Variants in STK11 observed in about 807,000 individuals in gnomAD.
STK11 encodes serine/threonine kinase 11.
STK11 carries 8 observed loss-of-function variants against 47.3 expected under a neutral mutation model. The ratio of observed to expected loss-of-function variants is 0.17; its 90% CI spans 0.10 to 0.31. STK11 has a LOEUF of 0.31. Among genes scored for constraint, STK11 ranks in the 10% least tolerant of loss-of-function variants. STK11 has a pLI of 1.00. For missense variants in STK11, 475 were observed against 605.0 expected, an observed-to-expected ratio of 0.79 and a Z score of 2.25; for synonymous variants, 330 against 255.8, an observed-to-expected ratio of 1.29 and a Z score of -2.77.
intron 8 of STK11, chr19:1,225,549 G>A (rs1041073265): frequency 2.6e-5 from 26 of 985,582 alleles, no homozygotes; most frequent in Middle Eastern, 5.2e-4. Flanking sequence ...GATTACAAGC[G>A]TGAGCCACCG....
chr19:1,226,409 G>A, intron 8 of STK11, 45 bp from the exon 9 acceptor site: 1 of 1,589,384 alleles, frequency 6.3e-7, no homozygotes, highest in East Asian at 2.3e-5. Flanking sequence ...GTGGCTCTGG[G>A]GTTGCGCCCC....
intron 1 of STK11, 49 bp downstream of exon 1, chr19:1,207,252 C>T: frequency 1.9e-6 from 3 of 1,544,990 alleles, no homozygotes; most frequent in Non-Finnish European, 2.6e-6. Flanking sequence ...AGTCACGGTG[C>T]TGATGGTTCT....
chr19:1,213,850 C>G (rs982088475), intron 1 of STK11, among the ~76,000 whole-genome samples: 3 of 152,224 alleles, frequency 2.0e-5, no homozygotes, highest in African/African-American at 7.2e-5. Flanking sequence ...CTCCATGTGC[C>G]TCCCAGTCCT....
At chr19:1,224,304 C>G in intron 8 of STK11, 1 of 985,396 alleles carries the variant, frequency 1.0e-6, no homozygotes. Context: ...CTCCTGGGCT[C>G]TTGGATTTGC....
At position 1,206,866 on chromosome 19, in the gene STK11, C is replaced by G. The variant is rs1044460918; in HGVS notation, c.-48C>G. 1 of 1,529,802 alleles carries G rather than the reference C, an allele frequency of 6.5e-7. No individual in the cohort carries two copies. The highest frequency in any genetic ancestry group is 8.8e-7 in the Non-Finnish European group (1 of 1,130,848). 94.8% of individuals were successfully genotyped at this position (1,529,802 alleles called of 1,614,324 possible). ...TCGGAACACAAGGAAGGACCGCTCA[C>G]CCGCGGACTCAGGGCTGGCGGCGGG... On this transcript the variant is annotated 5_prime_UTR_variant, in exon 1 of 10. Transcript: ENST00000326873.
At chr19:1,226,761 G>A (rs1478107672) in intron 9 of STK11, 98 bp downstream of exon 9, 8 of 1,356,482 alleles carry the variant, frequency 5.9e-6, no homozygotes, top group South Asian at 1.6e-5. Context: ...CATGGTGACC[G>A]TCACGTGGCT....
At chr19:1,227,488 G>A in intron 9 of STK11, 105 bp from the exon 10 acceptor site, 2 of 1,050,640 alleles carry the variant, frequency 1.9e-6, no homozygotes, top group Non-Finnish European at 2.3e-6. Flanking sequence ...CAGGAGTCCG[G>A]TAGCCCCATG....
Position 1,218,467 on chromosome 19 carries a change from T to C in STK11, c.341T>C (p.Val114Ala). Residue 114 changes from valine (V) to alanine (A), a missense_variant, in exon 2 of 10, where the codon GTG (valine) becomes GCG (alanine). Transcript: ENST00000326873. ...RLRHKNVIQL[V>A]DVLYNEEKQK... is the part of the protein sequence containing the mutation. ...CGGCACAAAAATGTCATCCAGCTGG[T>C]GGATGTGTTATACAACGAAGAGAAG... is the stretch of plus-strand genomic sequence containing the variant. The C allele has an allele frequency of 6.2e-7, 1 of 1,613,370 alleles. No individual in the cohort carries two copies. The highest frequency in any genetic ancestry group is 8.5e-7 in the Non-Finnish European group (1 of 1,179,668).
intron 1 of STK11, among the ~76,000 whole-genome samples, chr19:1,209,072 C>T (rs1296126659): frequency 6.6e-6 from 1 of 152,100 alleles, no homozygotes; most frequent in Non-Finnish European, 1.5e-5. Flanking sequence ...GTCTCAGTGC[C>T]CAGTCTGGAC....
At position 1,208,925 on chromosome 19, in the gene STK11, C is replaced by T. The variant is rs146426592; in HGVS notation, c.290+1722C>T. On this transcript the variant is annotated intron_variant, in intron 1 of 9. Transcript: ENST00000326873. ...CGTGAGCCACCGCGCCCGGCCAGCA[C>T]GCTTCTTAATCAGCATGCAGGCTGT... is the stretch of plus-strand genomic sequence containing the variant. 2.2e-3 allele frequency among the ~76,000 whole-genome samples: 336 copies of T among 152,028 alleles called. 2 individuals are homozygous for T. The highest frequency in any genetic ancestry group is 7.9e-3 in the African/African-American group (327 of 41,488).
rs1270933516 is a variant in STK11 at position 1,206,280 on chromosome 19, AG to A, written c.-633del. 4.6e-6 allele frequency: 1 copy of A among 216,492 alleles called. No homozygotes were observed. Among genetic ancestry groups the A allele is most frequent in the Non-Finnish European group, 9.3e-6 (1 of 107,822 alleles). 13.4% of individuals were successfully genotyped at this position (216,492 alleles called of 1,614,324 possible). On this transcript the variant is annotated 5_prime_UTR_variant, in exon 1 of 10. It removes the in-frame stop codon of an upstream open reading frame in the 5' UTR. Transcript: ENST00000326873. ...GGCGGGAGGCCTCCCGGACGCCCCC[AG>A]CCCCCCGAACGCTCGCCCGGGCCGG... is the stretch of plus-strand genomic sequence containing the variant.
At chr19:1,224,023 C>T in intron 8 of STK11, 1 of 1,006,282 alleles carries the variant, frequency 9.9e-7, no homozygotes, top group Non-Finnish European at 1.2e-6. Flanking sequence ...TGCACAGGGT[C>T]CACCCCCGGG....
intron 7 of STK11, among the ~76,000 whole-genome samples, chr19:1,222,553 C>T (rs370375594): frequency 9.8e-5 from 15 of 152,302 alleles, no homozygotes; most frequent in East Asian, 5.8e-4. Flanking sequence ...TGGGAGTGTC[C>T]GGACCCCTGA....
rs2080664829 is a variant in STK11 at position 1,206,345 on chromosome 19, C to CGTG, written c.-568_-567insTGG. 1 of 230,462 alleles carries CGTG rather than the reference C, an allele frequency of 4.3e-6. No individual in the cohort carries two copies. The highest frequency in any genetic ancestry group is 1.8e-4 in the South Asian group (1 of 5,514). The allele number at this position is 230,462 out of a possible 1,614,324, so 14.3% of individuals were successfully genotyped here. A position where few individuals can be genotyped will look rare whatever the true frequency, so the allele number is the denominator to read the frequency against. On this transcript the variant is annotated 5_prime_UTR_variant, in exon 1 of 10. Transcript: ENST00000326873. ...CCCCCGGGAGGTCCGCTCGGTCGTCCGCGGCGGAGCGTTTGCTCCTGGGAC... is the reference window on the plus strand; with the variant it reads ...CCCCCGGGAGGTCCGCTCGGTCGTCCGTGGCGGCGGAGCGTTTGCTCCTGGGAC...
intron 1 of STK11, among the ~76,000 whole-genome samples, chr19:1,210,325 C>G (rs1568694206): frequency 6.6e-6 from 1 of 152,178 alleles, no homozygotes; most frequent in Non-Finnish European, 1.5e-5. Flanking sequence ...TTAATAAACT[C>G]CGCTCAGATT....
chr19:1,222,891 G>C, intron 7 of STK11, 94 bp from the exon 8 acceptor site: 1 of 1,385,342 alleles, frequency 7.2e-7, no homozygotes, highest in Non-Finnish European at 9.6e-7. Context: ...TCCTGAGTGT[G>C]TGGCAGGTAC....
chr19:1,226,224 G>A, intron 8 of STK11: 3 of 1,383,070 alleles, frequency 2.2e-6, no homozygotes, highest in Non-Finnish European at 1.9e-6. Context: ...CAGACGTGGT[G>A]GAGGGGACAC....
rs1568705244 is a variant in STK11 at position 1,219,311 on chromosome 19, C to T, written c.375-13C>T. 1.3e-6 allele frequency: 2 copies of T among 1,573,092 alleles called. No homozygotes were observed. Among genetic ancestry groups the T allele is most frequent in the Non-Finnish European group, 1.7e-6 (2 of 1,159,848 alleles). Reference sequence around the variant, plus strand: ...GGGGCCGCCCCCTGAGCTGTGTGTCCTTAGCGCCCCACGTATATGGTGATG... The same window carrying T: ...GGGGCCGCCCCCTGAGCTGTGTGTCTTTAGCGCCCCACGTATATGGTGATG... On this transcript the variant is annotated splice_polypyrimidine_tract_variant and intron_variant, in intron 2 of 9. Coordinates refer to ENST00000326873, the MANE Select transcript of STK11 (RefSeq NM_000455.5).
intron 6 of STK11, chr19:1,221,719 C>G: frequency 1.6e-6 from 1 of 608,404 alleles, no homozygotes; most frequent in South Asian, 2.0e-5. Context: ...ACGGAACCGC[C>G]CTGGCCGTCC....
Sources: allele counts gnomAD v4.1 joint callset (sites outside exome capture counted in the v4.1 genomes callset), GRCh38; gene constraint gnomAD v4.1.1; transcripts MANE v1.5; gene names NCBI Gene and HGNC (gene_info 2026-07-23, HGNC 2026-07-21).